Variants in AFF3 observed in about 807,000 individuals in gnomAD.
The protein encoded by AFF3 is AF4/FMR2 family member 3.
A neutral mutation model predicts 129.7 loss-of-function variants in AFF3; 32 were observed. The observed-to-expected ratio is 0.25, with a 90% CI of 0.19 to 0.33. The LOEUF (loss-of-function observed/expected upper bound fraction) is 0.33, where lower values mean the gene tolerates loss of function less well. AFF3 is among the 10% of genes least tolerant of loss of function. AFF3 has a pLI of 1.00. For missense variants in AFF3, 1,373 were observed against 1,592.0 expected (o/e 0.86, Z 2.34); for synonymous variants, 644 against 635.4 (o/e 1.01, Z -0.20).
chr2:99,812,853 A>G (rs1283356096), intron 8 of AFF3, among the ~76,000 whole-genome samples: 1 of 152,184 alleles, frequency 6.6e-6, no homozygotes, highest in African/African-American at 2.4e-5. Flanking sequence ...TTTTCTAAAA[A>G]CAGAATTCTT....
chr2:100,077,456 C>T (rs992446050), intron 4 of AFF3, among the ~76,000 whole-genome samples: 2 of 152,078 alleles, frequency 1.3e-5, no homozygotes, highest in Non-Finnish European at 2.9e-5. Context: ...GAAACAGATT[C>T]TCCCCTAGAT....
intron 9 of AFF3, among the ~76,000 whole-genome samples, chr2:99,751,706 T>C (rs1279250756): frequency 6.6e-6 from 1 of 152,190 alleles, no homozygotes; most frequent in South Asian, 2.1e-4. Context: ...CTCATGTATA[T>C]AGTCATTTAT....
chr2:99,902,360 A>T (rs1488913308), intron 7 of AFF3, among the ~76,000 whole-genome samples: 1 of 152,086 alleles, frequency 6.6e-6, no homozygotes, highest in African/African-American at 2.4e-5. Flanking sequence ...ATAAACTCTG[A>T]TTTCCAGTGT....
intron 7 of AFF3, among the ~76,000 whole-genome samples, chr2:99,999,691 C>T (rs549212268): frequency 1.3e-4 from 20 of 152,332 alleles, no homozygotes; most frequent in Non-Finnish European, 2.2e-4. Flanking sequence ...GTGCCAGCCA[C>T]CGTGCTAAGC....
chr2:99,990,715 A>C (rs1680263443), intron 7 of AFF3, among the ~76,000 whole-genome samples: 1 of 152,200 alleles, frequency 6.6e-6, no homozygotes, highest in African/African-American at 2.4e-5. Flanking sequence ...ATGAAAGTGA[A>C]ATATTTAAAT....
chr2:99,781,075 T>C (rs1406632769), intron 8 of AFF3, among the ~76,000 whole-genome samples: 3 of 152,214 alleles, frequency 2.0e-5, no homozygotes, highest in African/African-American at 7.2e-5. Flanking sequence ...TCAGTACTCA[T>C]CATTCTCCCC....
At position 100,036,156 on chromosome 2, in the gene AFF3, AAAAAC is replaced by A. The variant is rs1321550845; in HGVS notation, c.54-27229_54-27225del. 1.3e-5 allele frequency among the ~76,000 whole-genome samples: 2 copies of A among 150,660 alleles called. 1 individual carries two copies. ...TGCTAAAAAAAAAAAAAAAAAAAAAAAAAACAACTTTCTCAAAGTCTTTCCTGGCA... is the reference window on the plus strand; with the variant it reads ...TGCTAAAAAAAAAAAAAAAAAAAAAAAACTTTCTCAAAGTCTTTCCTGGCA... On this transcript the variant is annotated intron_variant, in intron 4 of 24. Transcript: ENST00000672756.
At chr2:99,909,874 T>C (rs1413470838) in intron 7 of AFF3, among the ~76,000 whole-genome samples, 1 of 152,174 alleles carries the variant, frequency 6.6e-6, no homozygotes, top group Non-Finnish European at 1.5e-5. Flanking sequence ...GTGAAGTACC[T>C]ATGAAACCAA....
chr2:100,062,639 C>T (rs771044229), intron 4 of AFF3, among the ~76,000 whole-genome samples: 5 of 152,056 alleles, frequency 3.3e-5, no homozygotes, highest in East Asian at 3.9e-4. Flanking sequence ...GTCTCAGGAC[C>T]GCAGTACCCC....
chr2:99,885,578 T>G (rs936334207), intron 7 of AFF3, among the ~76,000 whole-genome samples: 4 of 152,176 alleles, frequency 2.6e-5, no homozygotes, highest in African/African-American at 9.7e-5. Context: ...AAATCTATAT[T>G]TGTGCCCAGG....
At chr2:99,853,098 C>A (rs1690268278) in intron 7 of AFF3, among the ~76,000 whole-genome samples, 1 of 152,062 alleles carries the variant, frequency 6.6e-6, no homozygotes, top group Non-Finnish European at 1.5e-5. Context: ...ATTACAGCAA[C>A]ATTGGGAAAA....
intron 1 of AFF3, among the ~76,000 whole-genome samples, chr2:100,136,283 TC>T (rs1383738871): frequency 6.6e-6 from 1 of 152,024 alleles, no homozygotes; most frequent in African/African-American, 2.4e-5. Flanking sequence ...AGCAGGGCCA[TC>T]GGGGGACTGG....
chr2:99,550,991 A>G lies in AFF3; in HGVS notation c.*483T>C. 1 of 381,474 alleles carries G rather than the reference A, an allele frequency of 2.6e-6. No homozygotes were observed. Among genetic ancestry groups the G allele is most frequent in the Non-Finnish European group, 4.6e-6 (1 of 215,104 alleles). 23.6% of individuals were successfully genotyped at this position (381,474 alleles called of 1,614,324 possible). On this transcript the variant is annotated 3_prime_UTR_variant, in exon 25 of 25. Transcript: ENST00000672756. ...TATATTAATACTGAAAGTAATCAACAGTATAAGAGCAGGTCCATCTTCACT... is the reference window on the plus strand; with the variant it reads ...TATATTAATACTGAAAGTAATCAACGGTATAAGAGCAGGTCCATCTTCACT...
At chr2:99,919,969 T>A (rs1044459296) in intron 7 of AFF3, among the ~76,000 whole-genome samples, 4 of 152,022 alleles carry the variant, frequency 2.6e-5, no homozygotes, top group African/African-American at 9.7e-5. Flanking sequence ...ACAACTTAGA[T>A]GAAATAGAGA....
intron 2 of AFF3, chr2:100,110,389 T>A (rs1274268236): frequency 6.6e-6 from 1 of 152,280 alleles, no homozygotes; most frequent in Non-Finnish European, 1.5e-5. Flanking sequence ...GACACTTAGC[T>A]TAGGTCTGGG....
intron 8 of AFF3, among the ~76,000 whole-genome samples, chr2:99,809,743 C>T (rs991604480): frequency 2.0e-5 from 3 of 152,258 alleles, no homozygotes; most frequent in Non-Finnish European, 2.9e-5. Context: ...ATGAGTCCCA[C>T]ATCCCACTGC....
At chr2:100,118,057 G>C (rs934854353) in intron 2 of AFF3, among the ~76,000 whole-genome samples, 11 of 152,080 alleles carry the variant, frequency 7.2e-5, no homozygotes, top group African/African-American at 2.4e-4. Flanking sequence ...AGGCCACCAG[G>C]GGAAAAGTGA....
In AFF3 at chr2:99,550,673, A is replaced by G. The variant is rs1036488642; in HGVS notation, c.*801T>C. 43 of 232,616 alleles carry G rather than the reference A, an allele frequency of 1.8e-4. No individual in the cohort carries two copies. In the Admixed American group the frequency reaches 2.3e-3, roughly 12 times the overall value. 14.4% of individuals were successfully genotyped at this position (232,616 alleles called of 1,614,324 possible). A position where few individuals can be genotyped will look rare whatever the true frequency, so the allele number is the denominator to read the frequency against. ...AACTCCTAACTGAGCTCCAACACAC[A>G]GGCACTGCTACCTTAGTGTCTGTTA... On this transcript the variant is annotated 3_prime_UTR_variant, in exon 25 of 25. Transcript: ENST00000672756.
chr2:99,852,399 C>T (rs868734968), intron 7 of AFF3, among the ~76,000 whole-genome samples: 7 of 152,112 alleles, frequency 4.6e-5, no homozygotes, highest in Admixed American at 1.3e-4. Context: ...CAGGAGAACA[C>T]TCCCGGAAAA....
Sources: allele counts gnomAD v4.1 joint callset (sites outside exome capture counted in the v4.1 genomes callset), GRCh38; gene constraint gnomAD v4.1.1; transcripts MANE v1.5; gene names NCBI Gene and HGNC (gene_info 2026-07-23, HGNC 2026-07-21).